Variants in TMTC1 observed in about 807,000 individuals in gnomAD.
TMTC1 encodes the protein protein O-mannosyl-transferase TMTC1.
TMTC1 carries 73 observed loss-of-function variants against 104.8 expected under a neutral mutation model. The observed-to-expected ratio is 0.70, with a 90% CI of 0.58 to 0.85. TMTC1 has a LOEUF of 0.85. Ranked by LOEUF, TMTC1 falls within the 40% of genes least tolerant of loss-of-function variation. The pLI, the probability that TMTC1 is intolerant of heterozygous loss-of-function variation, is 0.00. For synonymous variants in TMTC1, 434 were observed against 428.7 expected, an observed-to-expected ratio of 1.01 and a Z score of -0.15; for missense variants, 1,035 against 1,096.1, an observed-to-expected ratio of 0.94 and a Z score of 0.79.
intron 6 of TMTC1, among the ~76,000 whole-genome samples, chr12:29,617,022 T>C (rs973466223): frequency 1.3e-5 from 2 of 152,156 alleles, no homozygotes; most frequent in African/African-American, 4.8e-5. Context: ...CTCTAATGTT[T>C]TATCTTACTG....
chr12:29,583,671 T>A, intron 7 of TMTC1, 97 bp from the exon 8 acceptor site: 1 of 1,182,268 alleles, frequency 8.5e-7, no homozygotes, highest in Non-Finnish European at 1.2e-6. Context: ...ATGAAGCTTG[T>A]CCTGTGCTAG....
intron 10 of TMTC1, among the ~76,000 whole-genome samples, chr12:29,545,961 G>A (rs1293799726): frequency 6.6e-6 from 1 of 152,074 alleles, no homozygotes. Context: ...CTTTATACAC[G>A]AGCAGTTGGA....
chr12:29,507,079 T>A, intron 17 of TMTC1, 93 bp from the exon 18 acceptor site: 1 of 1,055,344 alleles, frequency 9.5e-7, no homozygotes, highest in Non-Finnish European at 1.4e-6. Flanking sequence ...CTCTGCCCAG[T>A]TTTACATTAA....
chr12:29,614,564 C>T (rs1946929261), intron 6 of TMTC1, among the ~76,000 whole-genome samples: 1 of 152,150 alleles, frequency 6.6e-6, no homozygotes. Flanking sequence ...GAAATGGTAT[C>T]AAATGCTTGT....
intron 6 of TMTC1, among the ~76,000 whole-genome samples, chr12:29,618,507 C>T (rs1186003187): frequency 6.6e-6 from 1 of 151,742 alleles, no homozygotes; most frequent in Non-Finnish European, 1.5e-5. Flanking sequence ...TTCTAATATT[C>T]TATGCTTCCT....
At chr12:29,719,655 C>T (rs560082827) in intron 5 of TMTC1, among the ~76,000 whole-genome samples, 8 of 152,124 alleles carry the variant, frequency 5.3e-5, no homozygotes, top group Non-Finnish European at 4.4e-5. Context: ...GGTCACTGGG[C>T]TTTTTTCTTC....
chr12:29,651,354 GA>G (rs1379388349), intron 5 of TMTC1, among the ~76,000 whole-genome samples: 3 of 152,128 alleles, frequency 2.0e-5, no homozygotes. Context: ...AAACAAGAGG[GA>G]CTATTAGTGG....
chr12:29,530,676 T>C (rs1944478015), intron 11 of TMTC1, among the ~76,000 whole-genome samples: 2 of 152,214 alleles, frequency 1.3e-5, no homozygotes, highest in Non-Finnish European at 2.9e-5. Context: ...TCAAAGCACC[T>C]GCTTTTGCTT....
intron 2 of TMTC1, among the ~76,000 whole-genome samples, chr12:29,760,128 G>A (rs919994044): frequency 3.9e-5 from 6 of 152,152 alleles, no homozygotes; most frequent in African/African-American, 1.4e-4. Flanking sequence ...TAGCATCTAG[G>A]TTTGTATAAG....
intron 5 of TMTC1, among the ~76,000 whole-genome samples, chr12:29,687,965 T>C (rs114272042): frequency 1.7e-3 from 255 of 152,280 alleles, no homozygotes; most frequent in African/African-American, 5.9e-3. Context: ...TATAGTTACA[T>C]TGGAGGTCAG....
rs546084174 is a variant in TMTC1, at chr12:29,514,871, AGGT to A, written c.2308-270_2308-268del. The stretch of plus-strand genomic sequence containing the variant: ...CTACAAAAAAATACAAAAATTAGCC[AGGT>A]GTGGTGGTGCACACCTGTAATCCCG... On this transcript the variant is annotated intron_variant, in intron 15 of 17. Coordinates refer to ENST00000539277, the MANE Select transcript of TMTC1 (RefSeq NM_001193451.2). Among the ~76,000 whole-genome samples the A allele has an allele frequency of 7.2e-3, 1,099 of 152,162 alleles. 15 individuals carry two copies. Among genetic ancestry groups the A allele is most frequent in the African/African-American group, 0.025 (1,043 of 41,522 alleles).
intron 5 of TMTC1, among the ~76,000 whole-genome samples, chr12:29,636,755 T>C (rs1266462106): frequency 6.6e-6 from 1 of 150,722 alleles, no homozygotes; most frequent in Non-Finnish European, 1.5e-5. Flanking sequence ...GAGGTGGAGG[T>C]TGCAGTAAGC....
At chr12:29,716,695 T>C (rs915351430) in intron 5 of TMTC1, among the ~76,000 whole-genome samples, 16 of 151,942 alleles carry the variant, frequency 1.1e-4, no homozygotes, top group African/African-American at 3.9e-4. Context: ...AAAACGTTAG[T>C]TCAAAATGGA....
intron 5 of TMTC1, among the ~76,000 whole-genome samples, chr12:29,738,131 T>C (rs181950158): frequency 4.6e-5 from 7 of 152,288 alleles, no homozygotes; most frequent in African/African-American, 1.7e-4. Flanking sequence ...TTTACAATAA[T>C]TATTACTAAT....
At position 29,637,621 on chromosome 12, in the gene TMTC1, A is replaced by G. The variant is rs112904627; in HGVS notation, c.939-4285T>C. 5.0e-3 allele frequency among the ~76,000 whole-genome samples: 756 copies of G among 152,312 alleles called. 6 individuals are homozygous for G. Among genetic ancestry groups the G allele is most frequent in the African/African-American group, 0.017 (719 of 41,566 alleles). ...GGGAAAATGGCATTCATCAAATGGC[A>G]CCTAACAAAACTGTGTGGCTCTTCA... is the stretch of plus-strand genomic sequence containing the variant. On this transcript the variant is annotated intron_variant, in intron 5 of 17. Transcript: ENST00000539277.
chr12:29,570,226 G>A (rs2136294612), intron 9 of TMTC1, among the ~76,000 whole-genome samples: 1 of 152,176 alleles, frequency 6.6e-6, no homozygotes, highest in Admixed American at 6.5e-5. Flanking sequence ...ACCCTTGAAG[G>A]AATATGCCTT....
chr12:29,649,606 T>C (rs1386081293), intron 5 of TMTC1, among the ~76,000 whole-genome samples: 7 of 152,246 alleles, frequency 4.6e-5, no homozygotes, highest in Admixed American at 3.3e-4. Context: ...TTGTCATATA[T>C]GTAATTGTGC....
chr12:29,506,772 G>A lies in TMTC1; in HGVS notation c.*74C>T. On this transcript the variant is annotated 3_prime_UTR_variant, in exon 18 of 18. Transcript: ENST00000539277. ...TCTCATTAGTTGTGCCCCTGCTGATGTGAAAGCAAGGCTTCCATCACTCCC... is the reference window on the plus strand; with the variant it reads ...TCTCATTAGTTGTGCCCCTGCTGATATGAAAGCAAGGCTTCCATCACTCCC... The A allele has an allele frequency of 2.5e-6, 4 of 1,571,722 alleles. No homozygotes were observed. The highest frequency in any genetic ancestry group is 1.7e-5 in the Admixed American group (1 of 59,644).
At chr12:29,583,688 A>C (rs1294781192) in intron 7 of TMTC1, 114 bp from the exon 8 acceptor site, 1 of 918,758 alleles carries the variant, frequency 1.1e-6, no homozygotes, top group Non-Finnish European at 1.6e-6. Context: ...CTAGAGAAAC[A>C]AATAGAAACT....
Sources: allele counts gnomAD v4.1 joint callset (sites outside exome capture counted in the v4.1 genomes callset), GRCh38; gene constraint gnomAD v4.1.1; transcripts MANE v1.5; gene names NCBI Gene and HGNC (gene_info 2026-07-23, HGNC 2026-07-21).